NYAP2: variants seen among roughly 807,000 people sequenced by gnomAD.
NYAP2 encodes neuronal tyrosine-phosphorylated phosphoinositide-3-kinase adaptor 2, also known as neuronal tyrosine-phosphorylated phosphoinositide-3-kinase adapter 2.
Under a neutral mutation model 50.4 loss-of-function variants are expected in NYAP2, and 23 were observed. That is an observed-to-expected ratio of 0.46 (90% CI 0.33 to 0.65). The LOEUF is 0.65. Among genes scored for constraint, NYAP2 ranks in the 30% least tolerant of loss-of-function variants. The pLI is 0.02. For missense variants in NYAP2, 885 were observed against 861.0 expected (o/e 1.03, Z -0.35); for synonymous variants, 394 against 365.2 (o/e 1.08, Z -0.90).
intron 3 of NYAP2, among the ~76,000 whole-genome samples, chr2:225,476,449 C>T (rs150671107): frequency 1.1e-3 from 167 of 151,960 alleles, no homozygotes; most frequent in African/African-American, 3.9e-3. Context: ...AAAAATATGC[C>T]AGGTTTTTGT....
chr2:225,575,035 C>T (rs935399828), intron 4 of NYAP2, among the ~76,000 whole-genome samples: 1 of 152,148 alleles, frequency 6.6e-6, no homozygotes, highest in Non-Finnish European at 1.5e-5. Context: ...TGCTCTGTCT[C>T]CTGCAATCCT....
the NYAP2 span, among the ~76,000 whole-genome samples, chr2:225,692,122 T>C: frequency 0.096 from 14,580 of 152,148 alleles, 829 homozygotes; most frequent in East Asian, 0.24. Context: ...GTGCTCTGTC[T>C]CCTAGGCCTT....
At chr2:225,407,410 A>T (rs1694960113) in intron 2 of NYAP2, among the ~76,000 whole-genome samples, 1 of 152,026 alleles carries the variant, frequency 6.6e-6, no homozygotes, top group South Asian at 2.1e-4. Context: ...AGAGTCAACA[A>T]ACAACCTTAT....
At chr2:225,413,833 G>C (rs1695084643) in intron 3 of NYAP2, among the ~76,000 whole-genome samples, 1 of 152,148 alleles carries the variant, frequency 6.6e-6, no homozygotes, top group Non-Finnish European at 1.5e-5. Context: ...CTGCTGTTTA[G>C]TGTATAGAAT....
intron 4 of NYAP2, among the ~76,000 whole-genome samples, chr2:225,520,748 C>T (rs1014063365): frequency 7.9e-5 from 12 of 152,206 alleles, no homozygotes; most frequent in East Asian, 1.9e-4. Context: ...ATTGACTTGG[C>T]GATGCCGGCT....
intron 4 of NYAP2, among the ~76,000 whole-genome samples, chr2:225,571,225 C>A (rs1574684559): frequency 1.3e-5 from 2 of 152,206 alleles, no homozygotes; most frequent in Admixed American, 1.3e-4. Flanking sequence ...TTTCCAGGCA[C>A]ATGGTGCAAG....
chr2:225,612,851 A>ACACCCAATGTGTGTGATGACATCACACC (rs1559229913), intron 5 of NYAP2, among the ~76,000 whole-genome samples: 1 of 144,018 alleles, frequency 6.9e-6, no homozygotes, highest in Non-Finnish European at 1.5e-5. Flanking sequence ...TGATGACATC[A>ACACCCAATGTGTGTGATGACATCACACC]CATCTGGGTC....
the NYAP2 span, among the ~76,000 whole-genome samples, chr2:225,683,643 T>C: frequency 6.6e-6 from 1 of 152,106 alleles, no homozygotes; most frequent in East Asian, 1.9e-4. Context: ...AACAGGTAGA[T>C]AGATGGGCCA....
At chr2:225,571,760 G>T (rs1359020597) in intron 4 of NYAP2, among the ~76,000 whole-genome samples, 2 of 152,176 alleles carry the variant, frequency 1.3e-5, no homozygotes, top group African/African-American at 4.8e-5. Context: ...CATTATCTTG[G>T]TGATTAACAT....
intron 4 of NYAP2, among the ~76,000 whole-genome samples, chr2:225,524,581 C>T (rs1462726722): frequency 6.6e-6 from 1 of 152,150 alleles, no homozygotes; most frequent in Non-Finnish European, 1.5e-5. Flanking sequence ...TACCTCTCAG[C>T]ATATACAAAA....
At chr2:225,694,362 C>T in the NYAP2 span, among the ~76,000 whole-genome samples, 10 of 151,274 alleles carry the variant, frequency 6.6e-5, no homozygotes, top group East Asian at 2.0e-4. Context: ...AATAGAAAAG[C>T]GATGCAATTT....
At chr2:225,430,081 ATCTC>A (rs376930193) in intron 3 of NYAP2, among the ~76,000 whole-genome samples, 2 of 151,520 alleles carry the variant, frequency 1.3e-5, no homozygotes, top group South Asian at 2.1e-4. Flanking sequence ...ACTCATATTT[ATCTC>A]TCTCTCTCTC....
chr2:225,622,586 CTTTT>C (rs1352919888), intron 5 of NYAP2, among the ~76,000 whole-genome samples: 7 of 103,600 alleles, frequency 6.8e-5, no homozygotes, highest in South Asian at 5.8e-4. Flanking sequence ...TTTCTTCTTT[CTTTT>C]TTTTTTTTAG....
intron 3 of NYAP2, among the ~76,000 whole-genome samples, chr2:225,508,175 T>C (rs542958979): frequency 8.5e-4 from 129 of 152,376 alleles, no homozygotes; most frequent in African/African-American, 3.0e-3. Flanking sequence ...GAAACTTGTT[T>C]TTATTTTTAT....
intron 5 of NYAP2, among the ~76,000 whole-genome samples, chr2:225,621,700 A>C (rs1693106121): frequency 6.6e-6 from 1 of 151,474 alleles, no homozygotes; most frequent in South Asian, 2.1e-4. Flanking sequence ...ATTTTAATAC[A>C]GTTTTTTTTT....
intron 5 of NYAP2, among the ~76,000 whole-genome samples, chr2:225,595,091 A>G (rs1020050181): frequency 2.6e-5 from 4 of 152,228 alleles, no homozygotes; most frequent in African/African-American, 4.8e-5. Context: ...AAACTTTTCT[A>G]TACATATTCT....
At chr2:225,495,460 C>A (rs1460798886) in intron 3 of NYAP2, among the ~76,000 whole-genome samples, 1 of 152,132 alleles carries the variant, frequency 6.6e-6, no homozygotes, top group East Asian at 1.9e-4. Context: ...AAAGGAGGTC[C>A]TCCCTATTTT....
intron 3 of NYAP2, among the ~76,000 whole-genome samples, chr2:225,446,368 G>T (rs912442170): frequency 1.3e-5 from 2 of 150,582 alleles, no homozygotes; most frequent in South Asian, 4.2e-4. Context: ...TGCTGAATCT[G>T]GAGTACTAAA....
intron 3 of NYAP2, among the ~76,000 whole-genome samples, chr2:225,496,741 AT>A (rs1020569470): frequency 1.1e-4 from 16 of 151,994 alleles, no homozygotes; most frequent in African/African-American, 3.9e-4. Context: ...GGAAGGTTTT[AT>A]TTTAATAGGG....
Sources: gnomAD v4.1 joint callset for allele counts (sites outside exome capture counted in the v4.1 genomes callset) on GRCh38, gnomAD v4.1.1 for gene constraint, MANE v1.5 for transcripts, NCBI Gene and HGNC (gene_info 2026-07-23, HGNC 2026-07-21) for gene names.